LCP2: variants seen among roughly 807,000 people sequenced by gnomAD.
LCP2 encodes the protein 76 kDa tyrosine phosphoprotein.
LCP2 carries 29 observed loss-of-function variants against 74.5 expected under a neutral mutation model. The observed-to-expected ratio is 0.39, with a 90% confidence interval of 0.29 to 0.53. LCP2 has a LOEUF of 0.53. LCP2 is among the 20% of genes least tolerant of loss of function. LCP2 has a pLI of 0.72. For synonymous variants in LCP2, 228 were observed against 229.5 expected (o/e 0.99, Z 0.06); for missense variants, 604 against 634.6 (o/e 0.95, Z 0.52).
chr5:170,250,038 A>C (rs940690991), intron 20 of LCP2, among the ~76,000 whole-genome samples: 2 of 152,234 alleles, frequency 1.3e-5, no homozygotes, highest in Non-Finnish European at 2.9e-5. Context: ...TAACAGAAGT[A>C]TGTGAAGCAG....
chr5:170,270,782 C>T lies in LCP2; in HGVS notation c.460G>A (p.Glu154Lys). 6.2e-7 allele frequency: 1 copy of T among 1,604,230 alleles called. No individual in the cohort carries two copies. The highest frequency in any genetic ancestry group is 1.1e-5 in the South Asian group (1 of 88,970). Residue 154 changes from glutamate to lysine, a missense_variant, in exon 7 of 21, where the codon GAA becomes AAA. Coordinates refer to ENST00000046794, the MANE Select transcript of LCP2 (RefSeq NM_005565.5). ...GGCAGGATGGAGTTCTGCAGAGCTTCCTCGTCATTGGAGGGTGGCGGCTCA... is the reference window on the plus strand; with the variant it reads ...GGCAGGATGGAGTTCTGCAGAGCTTTCTCGTCATTGGAGGGTGGCGGCTCA... ...DYEPPPSNDE[E>K]ALQNSILPAK...
intron 3 of LCP2, among the ~76,000 whole-genome samples, chr5:170,283,860 T>C (rs1310801052): frequency 2.6e-5 from 4 of 152,210 alleles, no homozygotes. Context: ...AGATTTAACT[T>C]AGGGTCCCTT....
intron 20 of LCP2, among the ~76,000 whole-genome samples, chr5:170,249,972 C>T (rs958679239): frequency 6.6e-6 from 1 of 152,190 alleles, no homozygotes; most frequent in Non-Finnish European, 1.5e-5. Context: ...TGCCAACCAG[C>T]GATTCAAACA....
chr5:170,249,042 C>T (rs1401422188), intron 20 of LCP2, among the ~76,000 whole-genome samples: 1 of 152,132 alleles, frequency 6.6e-6, no homozygotes, highest in South Asian at 2.1e-4. Context: ...AAAATATGGG[C>T]CGGGTGCAGT....
Position 170,250,000 on chromosome 5 carries a change from A to AT in LCP2, c.1479+729dup, listed in dbSNP as rs140096024. 8.4e-3 allele frequency among the ~76,000 whole-genome samples: 1,278 copies of AT among 152,098 alleles called. 15 individuals carry two copies. The highest frequency in any genetic ancestry group is 0.029 in the African/African-American group (1,216 of 41,488). On this transcript the variant is annotated intron_variant, in intron 20 of 20. Transcript: ENST00000046794. ...TTCAAACATTTGATCACAAGCATGCATTTTTTTTCTATTCATTAACATTAT... is the reference window on the plus strand; with the variant it reads ...TTCAAACATTTGATCACAAGCATGCATTTTTTTTTCTATTCATTAACATTAT...
chr5:170,292,836 T>C (rs1044086143), intron 2 of LCP2, among the ~76,000 whole-genome samples: 9 of 152,214 alleles, frequency 5.9e-5, no homozygotes, highest in Non-Finnish European at 8.8e-5. Flanking sequence ...CTTTTTGAAG[T>C]ATAATACAGT....
chr5:170,263,243 T>C (rs10475933), intron 10 of LCP2, among the ~76,000 whole-genome samples: 108,881 of 152,164 alleles, frequency 0.72, 39,163 homozygotes, highest in East Asian at 0.9. Flanking sequence ...CAAGTAGTGT[T>C]GTGGATTCTG....
Position 170,247,103 on chromosome 5 carries a change from C to T in LCP2, c.*1594G>A, listed in dbSNP as rs1176899946. 4 of 152,176 alleles carry T rather than the reference C, an allele frequency of 2.6e-5. No individual in the cohort carries two copies. Among genetic ancestry groups the T allele is most frequent in the Non-Finnish European group, 2.9e-5 (2 of 68,042 alleles). The allele number at this position is 152,176 out of a possible 1,614,324, so 9.4% of individuals were successfully genotyped here. On this transcript the variant is annotated 3_prime_UTR_variant, in exon 21 of 21. Transcript: ENST00000046794. Reference sequence around the variant, plus strand: ...CAAAGCAAGACAAGTGGAGCTTACTCGATACTAGAACCTATGGTGTATGCT... The same window carrying T: ...CAAAGCAAGACAAGTGGAGCTTACTTGATACTAGAACCTATGGTGTATGCT...
At chr5:170,264,287 A>G (rs960067473) in intron 10 of LCP2, among the ~76,000 whole-genome samples, 1 of 152,152 alleles carries the variant, frequency 6.6e-6, no homozygotes, top group African/African-American at 2.4e-5. Flanking sequence ...AAATAAAACA[A>G]ATTTAGAGAT....
chr5:170,278,815 G>A (rs181984730), intron 3 of LCP2, among the ~76,000 whole-genome samples: 2 of 152,144 alleles, frequency 1.3e-5, no homozygotes, highest in Non-Finnish European at 1.5e-5. Flanking sequence ...CAGAGGAGCA[G>A]CAAAGAGCTG....
At chr5:170,290,065 A>G (rs1411127634) in intron 2 of LCP2, among the ~76,000 whole-genome samples, 1 of 152,186 alleles carries the variant, frequency 6.6e-6, no homozygotes, top group South Asian at 2.1e-4. Flanking sequence ...AACTGTGAGG[A>G]AAGATGAGAG....
At position 170,290,990 on chromosome 5, in the gene LCP2, AAGAAAGAAAG is replaced by A. The variant is rs1390679567; in HGVS notation, c.141+2310_141+2319del. On this transcript the variant is annotated intron_variant, in intron 2 of 20. Coordinates refer to ENST00000046794, the MANE Select transcript of LCP2 (RefSeq NM_005565.5). ...AAAGAAAGAAAGAAAGAAAGAAAGA[AAGAAAGAAAG>A]AGAGAAAGAAAGAGAGAAAGAAAGA... is the stretch of plus-strand genomic sequence containing the variant. Among the ~76,000 whole-genome samples, 30 of 71,392 alleles carry A rather than the reference AAGAAAGAAAG, an allele frequency of 4.2e-4. No homozygotes were observed. In the East Asian group the frequency reaches 5.7e-3, roughly 14 times the overall value. The allele number at this position is 71,392 out of a possible 152,430, so 46.8% of individuals were successfully genotyped here. A position where few individuals can be genotyped will look rare whatever the true frequency, so the allele number is the denominator to read the frequency against.
intron 3 of LCP2, among the ~76,000 whole-genome samples, chr5:170,283,127 C>A (rs573225693): frequency 4.6e-5 from 7 of 152,304 alleles, no homozygotes; most frequent in African/African-American, 1.7e-4. Context: ...CATCATTCTC[C>A]ATATTAACCC....
At chr5:170,248,865 G>A in intron 20 of LCP2, 46 bp from the exon 21 acceptor site, 3 of 1,598,096 alleles carry the variant, frequency 1.9e-6, no homozygotes, top group Non-Finnish European at 2.6e-6. Context: ...GGAATGAAAA[G>A]CAGGAACTTC....
At position 170,276,873 on chromosome 5, in the gene LCP2, C is replaced by T. The variant is rs533579027; in HGVS notation, c.189-1013G>A. ...ATGGCGGATCATGAAGTCAAGAGATCGAGACCATCCTGGCCAACATGGTGA... is the reference window on the plus strand; with the variant it reads ...ATGGCGGATCATGAAGTCAAGAGATTGAGACCATCCTGGCCAACATGGTGA... On this transcript the variant is annotated intron_variant, in intron 3 of 20. Coordinates refer to ENST00000046794, the MANE Select transcript of LCP2 (RefSeq NM_005565.5). Among the ~76,000 whole-genome samples, 5 of 151,888 alleles carry T rather than the reference C, an allele frequency of 3.3e-5. No individual in the cohort carries two copies. The South Asian group carries it at 6.3e-4, about 19-fold the overall frequency.
chr5:170,281,353 C>T (rs967789229), intron 3 of LCP2, among the ~76,000 whole-genome samples: 63 of 152,016 alleles, frequency 4.1e-4, no homozygotes, highest in Non-Finnish European at 6.8e-4. Flanking sequence ...GATCTTGGCT[C>T]ACTGCAAGTT....
chr5:170,297,560 C>T lies in LCP2; in HGVS notation c.52G>A (p.Asp18Asn), dbSNP rs960180385. 1.1e-5 allele frequency: 18 copies of T among 1,612,928 alleles called. No individual in the cohort carries two copies. Among genetic ancestry groups the T allele is most frequent in the African/African-American group, 2.7e-5 (2 of 74,918 alleles). The change falls in exon 1 of 21, where the codon GAC becomes AAC. Residue 18 changes from aspartate (D) to asparagine (N), a missense_variant. Coordinates refer to ENST00000046794, the MANE Select transcript of LCP2 (RefSeq NM_005565.5). ...FRSEVLGWDP[D>N]SLADYFKKLN... ...TTCTTGAAATAGTCAGCAAGGCTGT[C>T]GGGGTCCCAGCCCAGGACCTCTGAG...
intron 17 of LCP2, among the ~76,000 whole-genome samples, chr5:170,253,639 A>G (rs187528956): frequency 3.3e-5 from 5 of 151,808 alleles, no homozygotes; most frequent in East Asian, 1.9e-4. Context: ...GGACAATGCA[A>G]TGATGAAGAT....
At chr5:170,260,771 A>T (rs956716246) in intron 14 of LCP2, among the ~76,000 whole-genome samples, 25 of 152,246 alleles carry the variant, frequency 1.6e-4, no homozygotes, top group African/African-American at 5.5e-4. Flanking sequence ...AGCCTTGGAA[A>T]TTTAGGCATG....
Sources: allele counts gnomAD v4.1 joint callset (sites outside exome capture counted in the v4.1 genomes callset), GRCh38; gene constraint gnomAD v4.1.1; transcripts MANE v1.5; gene names NCBI Gene and HGNC (gene_info 2026-07-23, HGNC 2026-07-21).